The following ABCB5 variants were observed in gnomAD, a reference collection of about 807,000 sequenced individuals.
ABCB5 encodes ATP binding cassette subfamily B member 5, also known as ATP-binding cassette sub-family B member 5.
A neutral mutation model predicts 144.2 loss-of-function variants in ABCB5; 155 were observed. The observed-to-expected ratio is 1.08, with a 90% CI of 0.94 to 1.23. The LOEUF (loss-of-function observed/expected upper bound fraction) is 1.23. ABCB5 is among the 50% of genes most tolerant of loss of function. The probability of loss-of-function intolerance (pLI) is 0.00; values close to 1 mark genes in which losing one functional copy is unlikely to be tolerated. For synonymous variants in ABCB5, 610 were observed against 528.6 expected (o/e 1.15, Z -2.11); for missense variants, 1,830 against 1,520.8 (o/e 1.20, Z -3.38).
intron 14 of ABCB5, chr7:20,660,221 C>A: frequency 2.0e-6 from 2 of 985,028 alleles, no homozygotes; most frequent in Non-Finnish European, 2.4e-6. Context: ...TGTTTGTAAA[C>A]TGATTCCAAA....
At chr7:20,677,024 T>A (rs183208506) in intron 14 of ABCB5, among the ~76,000 whole-genome samples, 35 of 152,348 alleles carry the variant, frequency 2.3e-4, no homozygotes, top group South Asian at 1.2e-3. Flanking sequence ...AATTACCTTG[T>A]AATGTATTAA....
chr7:20,742,813 A>AT, intron 24 of ABCB5, 64 bp from the exon 25 acceptor site: 1 of 1,517,718 alleles, frequency 6.6e-7, no homozygotes, highest in South Asian at 1.1e-5. Flanking sequence ...CTTGGCCAGT[A>AT]TGCTACAGTG....
chr7:20,664,799 A>G (rs1785118825), intron 14 of ABCB5, among the ~76,000 whole-genome samples: 1 of 152,232 alleles, frequency 6.6e-6, no homozygotes, highest in African/African-American at 2.4e-5. Context: ...TTGTTAATAA[A>G]GTTAAGTAAA....
At chr7:20,653,609 TA>T (rs1784673714) in intron 13 of ABCB5, among the ~76,000 whole-genome samples, 1 of 152,146 alleles carries the variant, frequency 6.6e-6, no homozygotes, top group African/African-American at 2.4e-5. Context: ...AGGAATCTCA[TA>T]AAGGTACTCC....
chr7:20,633,654 G>C (rs1784088220), intron 5 of ABCB5, among the ~76,000 whole-genome samples: 1 of 152,092 alleles, frequency 6.6e-6, no homozygotes, highest in Admixed American at 6.6e-5. Flanking sequence ...TTGAAATCAT[G>C]TAATATATTA....
intron 23 of ABCB5, among the ~76,000 whole-genome samples, chr7:20,733,659 G>A (rs968172760): frequency 4.9e-5 from 7 of 141,786 alleles, no homozygotes; most frequent in Admixed American, 3.6e-4. Context: ...TTTTTTTTAA[G>A]TTCGAGTCTC....
At position 20,744,618 on chromosome 7, in the gene ABCB5, G is replaced by A. The variant is rs73687893; in HGVS notation, c.3223-614G>A. Among the ~76,000 whole-genome samples the A allele has an allele frequency of 9.7e-4, 146 of 150,894 alleles. 1 individual carries two copies. Among genetic ancestry groups the A allele is most frequent in the African/African-American group, 3.5e-3 (142 of 40,984 alleles). On this transcript the variant is annotated intron_variant, in intron 25 of 27. Coordinates refer to ENST00000404938, the MANE Select transcript of ABCB5 (RefSeq NM_001163941.2). ...CTGCTAAAATATAAGCTACATCCAT[G>A]GGGGGAGGGGGGAGGGACAGCATTA...
At chr7:20,705,479 T>A (rs1452688360) in intron 20 of ABCB5, among the ~76,000 whole-genome samples, 4 of 152,176 alleles carry the variant, frequency 2.6e-5, no homozygotes, top group Non-Finnish European at 4.4e-5. Context: ...ACAAATGGGA[T>A]CTTAACTGAG....
At chr7:20,635,098 T>A (rs1406734428) in intron 5 of ABCB5, among the ~76,000 whole-genome samples, 1 of 152,050 alleles carries the variant, frequency 6.6e-6, no homozygotes, top group South Asian at 2.1e-4. Context: ...GAGATAAGGG[T>A]CCAGTTTTAT....
chr7:20,711,861 C>CTTT (rs1787080195), intron 20 of ABCB5, among the ~76,000 whole-genome samples: 1 of 29,346 alleles, frequency 3.4e-5, no homozygotes, highest in African/African-American at 1.4e-4. Context: ...TTCTTTCTTT[C>CTTT]CTTCCTCCCT....
chr7:20,617,971 A>T (rs890504030), intron 1 of ABCB5, among the ~76,000 whole-genome samples: 2 of 152,252 alleles, frequency 1.3e-5, no homozygotes, highest in Admixed American at 1.3e-4. Flanking sequence ...AAACACTGAC[A>T]GAAGCAGAGA....
intron 19 of ABCB5, 59 bp downstream of exon 19, chr7:20,700,194 G>A: frequency 6.5e-6 from 9 of 1,380,780 alleles, no homozygotes; most frequent in South Asian, 1.4e-5. Context: ...AAACATTCTA[G>A]CTTTAATTCT....
At chr7:20,697,279 A>G (rs1007304696) in intron 16 of ABCB5, among the ~76,000 whole-genome samples, 2 of 152,208 alleles carry the variant, frequency 1.3e-5, no homozygotes, top group African/African-American at 4.8e-5. Context: ...AACAGTCCGC[A>G]TTATAGTGGC....
At chr7:20,732,400 G>C (rs1418853430) in intron 23 of ABCB5, among the ~76,000 whole-genome samples, 2 of 152,058 alleles carry the variant, frequency 1.3e-5, no homozygotes, top group Admixed American at 1.3e-4. Flanking sequence ...ATTATATTTT[G>C]TGTTTCCATA....
chr7:20,638,201 G>T lies in ABCB5; in HGVS notation c.315-4983G>T, dbSNP rs1205925475. 2.0e-5 allele frequency among the ~76,000 whole-genome samples: 3 copies of T among 152,104 alleles called. No individual in the cohort carries two copies. In the South Asian group the frequency reaches 6.2e-4, roughly 32 times the overall value. ...ATTTTCACTGCAGAAAATGTGAAAA[G>T]ATACAAATGCACAAAGAAGACAATT... On this transcript the variant is annotated intron_variant, in intron 5 of 27. Transcript: ENST00000404938.
At chr7:20,629,017 C>A (rs958545181) in intron 4 of ABCB5, among the ~76,000 whole-genome samples, 179 bp downstream of exon 4, 1 of 151,858 alleles carries the variant, frequency 6.6e-6, no homozygotes, top group Non-Finnish European at 1.5e-5. Context: ...TTCATGACCA[C>A]AGAGGTCTAT....
chr7:20,634,699 T>G (rs925287310), intron 5 of ABCB5, among the ~76,000 whole-genome samples: 4 of 152,184 alleles, frequency 2.6e-5, no homozygotes, highest in Non-Finnish European at 4.4e-5. Flanking sequence ...ATGGCTCCTT[T>G]TGAAAAGTGT....
chr7:20,636,963 C>T (rs890358542), intron 5 of ABCB5, among the ~76,000 whole-genome samples: 12 of 151,916 alleles, frequency 7.9e-5, no homozygotes, highest in Non-Finnish European at 1.2e-4. Context: ...GCCTTCTATC[C>T]GATACATAGG....
rs558523224 is a variant in ABCB5, at chr7:20,647,484, C to A, written c.982-51C>A. 5.8e-5 allele frequency: 88 copies of A among 1,506,094 alleles called. No individual in the cohort carries two copies. In the South Asian group the frequency reaches 1.1e-3, roughly 19 times the overall value. The allele number at this position is 1,506,094 out of a possible 1,614,324, so 93.3% of individuals were successfully genotyped here. A position where few individuals can be genotyped will look rare whatever the true frequency, so the allele number is the denominator to read the frequency against. ...ATAATTATATATTACATTCTATTGT[C>A]TTTCTTATATAACTGCAGAAAGATA... On this transcript the variant is annotated intron_variant, in intron 9 of 27. Transcript: ENST00000404938.
Sources: gnomAD v4.1 joint callset for allele counts (sites outside exome capture counted in the v4.1 genomes callset) on GRCh38, gnomAD v4.1.1 for gene constraint, MANE v1.5 for transcripts, NCBI Gene and HGNC (gene_info 2026-07-23, HGNC 2026-07-21) for gene names.